Variants in CHD5 observed in about 807,000 individuals in gnomAD.
CHD5 encodes ATP-dependent chromatin remodeler CHD5.
Under a neutral mutation model 230.3 loss-of-function variants are expected in CHD5, and 69 were observed. The observed-to-expected ratio is 0.30, with a 90% confidence interval of 0.25 to 0.37. The LOEUF (loss-of-function observed/expected upper bound fraction) is 0.37, where lower values mean the gene tolerates loss of function less well. Ranked by LOEUF, CHD5 falls within the 10% of genes least tolerant of loss-of-function variation. The pLI, the probability that CHD5 is intolerant of heterozygous loss-of-function variation, is 1.00. For missense variants in CHD5, 1,827 were observed against 2,622.8 expected, an observed-to-expected ratio of 0.70 and a Z score of 6.63; for synonymous variants, 1,064 against 1,065.9, an observed-to-expected ratio of 1.00 and a Z score of 0.03.
Position 6,128,468 on chromosome 1 carries a change from G to C in CHD5, c.3730+31C>G, listed in dbSNP as rs1182147585. 1.9e-6 allele frequency: 3 copies of C among 1,538,846 alleles called. No individual in the cohort carries two copies. In the East Asian group the frequency reaches 6.8e-5, roughly 35 times the overall value. On this transcript the variant is annotated intron_variant, in intron 24 of 41. Coordinates refer to ENST00000262450, the MANE Select transcript of CHD5 (RefSeq NM_015557.3). The surrounding 1 kb of genome is among the most constrained non-coding windows in gnomAD (Gnocchi z 7.8). ...CAGGAGCAGCCACCTGGTCGGAGGAGGAGCTGAGGCTGGGCTGGGTTGGCC... is the reference window on the plus strand; with the variant it reads ...CAGGAGCAGCCACCTGGTCGGAGGACGAGCTGAGGCTGGGCTGGGTTGGCC...
intron 33 of CHD5, among the ~76,000 whole-genome samples, chr1:6,118,236 C>T (rs894931411): frequency 2.0e-5 from 3 of 151,884 alleles, no homozygotes; most frequent in East Asian, 1.9e-4. Context: ...ATTAGCCGGG[C>T]GTGTTAGCAT....
At position 6,143,038 on chromosome 1, in the gene CHD5, C is replaced by T. The variant is rs192079984; in HGVS notation, c.2044-433G>A. Among the ~76,000 whole-genome samples the T allele has an allele frequency of 2.9e-3, 432 of 150,422 alleles. 3 individuals are homozygous for T. Among genetic ancestry groups the T allele is most frequent in the Non-Finnish European group, 4.3e-3 (290 of 67,670 alleles). ...TTCGCAACGCCCCCAGTAACAGGCT[C>T]CTCCACTGGATCCAGACATTTACTT... On this transcript the variant is annotated intron_variant, in intron 13 of 41. Transcript: ENST00000262450.
intron 2 of CHD5, among the ~76,000 whole-genome samples, chr1:6,165,520 G>A (rs534634280): frequency 2.6e-5 from 4 of 152,226 alleles, no homozygotes; most frequent in South Asian, 2.1e-4. Flanking sequence ...CATGGACCAC[G>A]AGGCCTCGGG....
At chr1:6,172,072 C>A (rs1490268913) in intron 1 of CHD5, among the ~76,000 whole-genome samples, 2 of 152,264 alleles carry the variant, frequency 1.3e-5, no homozygotes, top group African/African-American at 4.8e-5. Flanking sequence ...AGAGCTCCCT[C>A]AGCCCCTCTC....
chr1:6,106,051 AG>A (rs777772430), intron 41 of CHD5, among the ~76,000 whole-genome samples, 182 bp downstream of exon 41: 50 of 152,210 alleles, frequency 3.3e-4, no homozygotes, highest in Non-Finnish European at 7.4e-5. Flanking sequence ...AGGTGGTCCC[AG>A]GGCCAAGGGG....
intron 17 of CHD5, among the ~76,000 whole-genome samples, chr1:6,135,832 AC>A (rs1428885758): frequency 1.3e-5 from 2 of 151,702 alleles, no homozygotes; most frequent in East Asian, 3.9e-4. Flanking sequence ...ATATGATGAA[AC>A]CCCAACTCTA....
chr1:6,121,933 G>A lies in CHD5; in HGVS notation c.4700-360C>T, dbSNP rs1181638909. Among the ~76,000 whole-genome samples the A allele has an allele frequency of 1.3e-5, 2 of 152,224 alleles. No individual in the cohort carries two copies. Among genetic ancestry groups the A allele is most frequent in the Non-Finnish European group, 2.9e-5 (2 of 68,036 alleles). ...CCAGCTTTCGGGCGGGCTGGCTGGTGTGTGCCTCTGGACAGGGGGTGAATT... is the reference window on the plus strand; with the variant it reads ...CCAGCTTTCGGGCGGGCTGGCTGGTATGTGCCTCTGGACAGGGGGTGAATT... On this transcript the variant is annotated intron_variant, in intron 31 of 41. Transcript: ENST00000262450. The surrounding 1 kb of genome is among the most constrained non-coding windows in gnomAD (Gnocchi z 4.5).
chr1:6,124,443 A>C, intron 30 of CHD5, 74 bp downstream of exon 30: 1 of 1,532,148 alleles, frequency 6.5e-7, no homozygotes, highest in South Asian at 1.1e-5. Context: ...TTCTCTGACC[A>C]CTGACCCACA....
Position 6,102,176 on chromosome 1 carries a change from C to G in CHD5, c.*3298G>C, listed in dbSNP as rs1332603476. On this transcript the variant is annotated 3_prime_UTR_variant, in exon 42 of 42. Transcript: ENST00000262450. ...AGGGGTGCTTGGGCTCCAATCGCTG[C>G]TTGAGGAGTTCAGGACACACACACA... 1 of 254,966 alleles carries G rather than the reference C, an allele frequency of 3.9e-6. No homozygotes were observed. The highest frequency in any genetic ancestry group is 2.4e-5 in the African/African-American group (1 of 41,946). The allele number at this position is 254,966 out of a possible 1,614,324, so 15.8% of individuals were successfully genotyped here. A position where few individuals can be genotyped will look rare whatever the true frequency, so the allele number is the denominator to read the frequency against.
In CHD5 at chr1:6,103,629, A is replaced by C. The variant is rs1248103537; in HGVS notation, c.*1845T>G. 6.6e-6 allele frequency: 1 copy of C among 152,316 alleles called. No individual in the cohort carries two copies. Among genetic ancestry groups the C allele is most frequent in the Non-Finnish European group, 1.5e-5 (1 of 68,108 alleles). The allele number at this position is 152,316 out of a possible 1,614,324, so 9.4% of individuals were successfully genotyped here. A position where few individuals can be genotyped will look rare whatever the true frequency, so the allele number is the denominator to read the frequency against. ...TTTGCCAGGAGGCACCGCAGAGCAC[A>C]CAACACGCATGTGGATGAACCATAA... On this transcript the variant is annotated 3_prime_UTR_variant, in exon 42 of 42. Transcript: ENST00000262450.
In CHD5 at chr1:6,101,802, A is replaced by G. The variant is rs1010111225; in HGVS notation, c.*3672T>C. The G allele has an allele frequency of 6.2e-6, 1 of 161,960 alleles. No individual in the cohort carries two copies. Among genetic ancestry groups the G allele is most frequent in the Admixed American group, 6.6e-5 (1 of 15,178 alleles). 10.0% of individuals were successfully genotyped at this position (161,960 alleles called of 1,614,324 possible). A position where few individuals can be genotyped will look rare whatever the true frequency, so the allele number is the denominator to read the frequency against. ...AAGCCTCTGATTAAATCCTTTCCCA[A>G]AGGATTTATTAAAACACAGAAAACC... On this transcript the variant is annotated 3_prime_UTR_variant, in exon 42 of 42. Coordinates refer to ENST00000262450, the MANE Select transcript of CHD5 (RefSeq NM_015557.3).
Position 6,146,089 on chromosome 1 carries a change from G to A in CHD5, c.1802+123C>T. The stretch of plus-strand genomic sequence containing the variant: ...TGTGCCCCTGCTGTGCCCACATGTG[G>A]TTCTGCACGGCAGCCCCAAAGCAAG... On this transcript the variant is annotated intron_variant, in intron 11 of 41. Transcript: ENST00000262450. The surrounding 1 kb of genome is among the most constrained non-coding windows in gnomAD (Gnocchi z 5.1). The A allele has an allele frequency of 1.1e-6, 1 of 903,772 alleles. No homozygotes were observed. Among genetic ancestry groups the A allele is most frequent in the Non-Finnish European group, 1.7e-6 (1 of 587,208 alleles). 56.0% of individuals were successfully genotyped at this position (903,772 alleles called of 1,614,324 possible).
intron 31 of CHD5, among the ~76,000 whole-genome samples, chr1:6,123,437 T>A (rs985189884): frequency 6.6e-6 from 1 of 152,100 alleles, no homozygotes; most frequent in African/African-American, 2.4e-5. Context: ...AGTACTTTTT[T>A]TTTTTTGAGA....
intron 3 of CHD5, 33 bp downstream of exon 3, chr1:6,159,303 G>A (rs3827727): frequency 2.6e-6 from 4 of 1,549,630 alleles, no homozygotes; most frequent in African/African-American, 1.4e-5. Context: ...GGGGGATGTC[G>A]CTCTGTCCCC....
chr1:6,128,313 C>A lies in CHD5; in HGVS notation c.3731-95G>T. On this transcript the variant is annotated intron_variant, in intron 24 of 41. Transcript: ENST00000262450. The surrounding 1 kb of genome is among the most constrained non-coding windows in gnomAD (Gnocchi z 7.8). ...ACTCCCAACAATGGCCCTTCCCATC[C>A]CCAGCAGGGGCTGCAGCTGAGAGGC... 1 of 1,340,854 alleles carries A rather than the reference C, an allele frequency of 7.5e-7. No individual in the cohort carries two copies. The highest frequency in any genetic ancestry group is 1.3e-5 in the South Asian group (1 of 76,674). The allele number at this position is 1,340,854 out of a possible 1,614,324, so 83.1% of individuals were successfully genotyped here.
chr1:6,105,083 C>T lies in CHD5; in HGVS notation c.*391G>A. On this transcript the variant is annotated 3_prime_UTR_variant, in exon 42 of 42. Transcript: ENST00000262450. The surrounding 1 kb of genome is among the most constrained non-coding windows in gnomAD (Gnocchi z 4.8). ...TAAAGAGACATCAGTGCTGCAGGTTCGAATCTTCCATACGTCATCCAACTT... is the reference window on the plus strand; with the variant it reads ...TAAAGAGACATCAGTGCTGCAGGTTTGAATCTTCCATACGTCATCCAACTT... The T allele has an allele frequency of 6.2e-6, 2 of 323,726 alleles. No homozygotes were observed. The highest frequency in any genetic ancestry group is 1.2e-5 in the Non-Finnish European group (2 of 166,264). 20.1% of individuals were successfully genotyped at this position (323,726 alleles called of 1,614,324 possible).
chr1:6,111,634 C>T lies in CHD5; in HGVS notation c.5249+141G>A, dbSNP rs1381983714. On this transcript the variant is annotated intron_variant, in intron 36 of 41. Coordinates refer to ENST00000262450, the MANE Select transcript of CHD5 (RefSeq NM_015557.3). ...CGGGGAGCGGGCGACACAGCAATGC[C>T]GAGGATTTCTAGCCACCGCCAGAAG... 22 of 665,172 alleles carry T rather than the reference C, an allele frequency of 3.3e-5. No homozygotes were observed. In the East Asian group the frequency reaches 5.2e-4, roughly 16 times the overall value. The allele number at this position is 665,172 out of a possible 1,614,324, so 41.2% of individuals were successfully genotyped here.
chr1:6,160,833 C>T (rs995949953), intron 2 of CHD5, among the ~76,000 whole-genome samples: 3 of 152,222 alleles, frequency 2.0e-5, no homozygotes, highest in African/African-American at 7.2e-5. Context: ...AGGGCGTTTA[C>T]AACCAGAGCA....
At chr1:6,178,439 A>G (rs953934519) in intron 1 of CHD5, among the ~76,000 whole-genome samples, 3 of 152,270 alleles carry the variant, frequency 2.0e-5, no homozygotes, top group Admixed American at 6.5e-5. Flanking sequence ...CCCAAACACC[A>G]TAACAAACAA....
Sources: allele counts gnomAD v4.1 joint callset (sites outside exome capture counted in the v4.1 genomes callset), GRCh38; gene constraint gnomAD v4.1.1; non-coding constraint Gnocchi (gnomAD v3.1); transcripts MANE v1.5; gene names NCBI Gene and HGNC (gene_info 2026-07-23, HGNC 2026-07-21).